Variants in MMP26 observed in about 807,000 individuals in gnomAD.
MMP26 encodes matrix metallopeptidase 26.
A neutral mutation model predicts 31.0 loss-of-function variants in MMP26; 33 were observed. That is an observed-to-expected ratio of 1.06 (90% CI 0.81 to 1.42). The LOEUF (loss-of-function observed/expected upper bound fraction) is 1.42. Among genes scored for constraint, MMP26 ranks in the 40% most tolerant of loss-of-function variants. The pLI is 0.00. For missense variants in MMP26, 347 were observed against 316.1 expected, an observed-to-expected ratio of 1.10 and a Z score of -0.74; for synonymous variants, 122 against 114.9, an observed-to-expected ratio of 1.06 and a Z score of -0.40.
chr11:4,781,141 G>T (rs919250643), intron 2 of MMP26, among the ~76,000 whole-genome samples: 3 of 152,100 alleles, frequency 2.0e-5, no homozygotes, highest in African/African-American at 7.2e-5. Flanking sequence ...TTTTATACAG[G>T]CATAAGAGAA....
At chr11:4,771,237 A>G (rs1296317048) in intron 2 of MMP26, among the ~76,000 whole-genome samples, 3 of 152,350 alleles carry the variant, frequency 2.0e-5, no homozygotes, top group South Asian at 4.1e-4. Flanking sequence ...TTATTGATCT[A>G]TAAAAGTCCT....
chr11:4,962,778 C>A (rs1846538391), intron 2 of MMP26, among the ~76,000 whole-genome samples: 2 of 152,288 alleles, frequency 1.3e-5, no homozygotes, highest in South Asian at 2.1e-4. Flanking sequence ...TACTGGCATG[C>A]ATTTTAATCA....
At chr11:4,766,996 G>A (rs970482821) in intron 1 of MMP26, among the ~76,000 whole-genome samples, 2 of 152,078 alleles carry the variant, frequency 1.3e-5, no homozygotes, top group African/African-American at 4.8e-5. Context: ...ACATATAAAA[G>A]TCAGAAAGTG....
In MMP26 at chr11:4,970,818, G is replaced by A. The variant is rs995653100; in HGVS notation, c.-144-17250G>A. Among the ~76,000 whole-genome samples, 3 of 152,252 alleles carry A rather than the reference G, an allele frequency of 2.0e-5. No homozygotes were observed. In the East Asian group the frequency reaches 5.8e-4, roughly 29 times the overall value. ...CAGGCATTGTGCACCGGTGCCAGTG[G>A]TGGTGATATCAGCAAAGGCCCTAGA... On this transcript the variant is annotated intron_variant, in intron 2 of 7. Coordinates refer to ENST00000380390, the MANE Select transcript of MMP26 (RefSeq NM_021801.5).
chr11:4,992,378 A>G lies in MMP26; in HGVS notation c.*136A>G, dbSNP rs1847021878. ...AATGCAACCTAGTCAGGTTAGCTGA[A>G]CCGACACTCAAAACGCTACTGAGTC... On this transcript the variant is annotated 3_prime_UTR_variant, in exon 8 of 8. Coordinates refer to ENST00000380390, the MANE Select transcript of MMP26 (RefSeq NM_021801.5). The G allele has an allele frequency of 1.2e-5, 9 of 755,476 alleles. No homozygotes were observed. The highest frequency in any genetic ancestry group is 1.8e-5 in the African/African-American group (1 of 56,186). The allele number at this position is 755,476 out of a possible 1,614,324, so 46.8% of individuals were successfully genotyped here. A position where few individuals can be genotyped will look rare whatever the true frequency, so the allele number is the denominator to read the frequency against.
chr11:4,876,229 C>T (rs1850377134), intron 2 of MMP26: 1 of 152,126 alleles, frequency 6.6e-6, no homozygotes, highest in South Asian at 2.1e-4. Context: ...AAATTCTTCC[C>T]TAGTATTGCA....
At position 4,967,738 on chromosome 11, in the gene MMP26, G is replaced by A. The variant is rs551221649; in HGVS notation, c.-144-20330G>A. 2.6e-5 allele frequency among the ~76,000 whole-genome samples: 4 copies of A among 152,112 alleles called. No homozygotes were observed. In the South Asian group the frequency reaches 6.2e-4, roughly 24 times the overall value. On this transcript the variant is annotated intron_variant, in intron 2 of 7. Transcript: ENST00000380390. ...TGATAATAAAATCAGTTTTTTCAATGGTGTCCTGTTACAGATTCTTTTTGA... is the reference window on the plus strand; with the variant it reads ...TGATAATAAAATCAGTTTTTTCAATAGTGTCCTGTTACAGATTCTTTTTGA...
intron 2 of MMP26, among the ~76,000 whole-genome samples, chr11:4,916,713 G>C (rs9633907): frequency 0.057 from 8,653 of 152,224 alleles, 387 homozygotes; most frequent in East Asian, 0.24. Flanking sequence ...GTATGTGAAT[G>C]ATGACCTGTG....
chr11:4,753,404 C>T (rs922028529), intron 1 of MMP26, among the ~76,000 whole-genome samples: 6 of 152,016 alleles, frequency 3.9e-5, no homozygotes, highest in African/African-American at 1.2e-4. Context: ...TATTTAAATA[C>T]ATTTATTTGA....
chr11:4,852,266 A>G (rs939291003), intron 2 of MMP26, among the ~76,000 whole-genome samples: 2 of 152,160 alleles, frequency 1.3e-5, no homozygotes, highest in African/African-American at 2.4e-5. Flanking sequence ...GAAGATTTTA[A>G]TATCCCAAAC....
intron 2 of MMP26, chr11:4,924,367 T>A: frequency 6.4e-7 from 1 of 1,553,710 alleles, no homozygotes; most frequent in African/African-American, 1.4e-5. Context: ...CTCAGAAACC[T>A]GGAATATAGA....
intron 2 of MMP26, among the ~76,000 whole-genome samples, chr11:4,902,423 A>T (rs113650360): frequency 4.6e-5 from 7 of 152,280 alleles, no homozygotes; most frequent in South Asian, 2.1e-4. Context: ...TTCCAGATGC[A>T]TCCATGTTGC....
At chr11:4,972,370 C>T (rs1209700208) in intron 2 of MMP26, among the ~76,000 whole-genome samples, 2 of 152,132 alleles carry the variant, frequency 1.3e-5, no homozygotes, top group African/African-American at 2.4e-5. Flanking sequence ...TAGAAAATGA[C>T]ATTTCATGTT....
chr11:4,775,865 G>C (rs1331774362), intron 2 of MMP26, among the ~76,000 whole-genome samples: 1 of 152,088 alleles, frequency 6.6e-6, no homozygotes, highest in African/African-American at 2.4e-5. Context: ...GTATAGTGGT[G>C]AAGTCTGGGT....
intron 2 of MMP26, among the ~76,000 whole-genome samples, chr11:4,829,341 C>CCT (rs959002276): frequency 6.6e-6 from 1 of 152,142 alleles, no homozygotes; most frequent in African/African-American, 2.4e-5. Context: ...CATCACATCA[C>CCT]CTCTTGTATT....
chr11:4,933,871 A>G (rs840718), intron 2 of MMP26, among the ~76,000 whole-genome samples: 78,550 of 148,198 alleles, frequency 0.53, 21,894 homozygotes, highest in East Asian at 0.76. Context: ...ATGATTTCCA[A>G]TTTCATCCAT....
At chr11:4,713,355 C>G (rs968911511) in intron 1 of MMP26, among the ~76,000 whole-genome samples, 4 of 152,120 alleles carry the variant, frequency 2.6e-5, no homozygotes, top group Non-Finnish European at 4.4e-5. Context: ...ATCTCTCCCC[C>G]ACACTGGCAC....
chr11:4,892,748 A>G (rs1850644620), intron 2 of MMP26, among the ~76,000 whole-genome samples: 1 of 152,188 alleles, frequency 6.6e-6, no homozygotes, highest in Admixed American at 6.6e-5. Context: ...TGAGGATATA[A>G]GAGTCTTGCT....
At chr11:4,988,913 A>G (rs1846947925) in intron 3 of MMP26, among the ~76,000 whole-genome samples, 3 of 152,224 alleles carry the variant, frequency 2.0e-5, no homozygotes, top group Admixed American at 2.0e-4. Flanking sequence ...CTCAGCTGAT[A>G]ATAAAACAAA....
Sources: allele counts gnomAD v4.1 joint callset (sites outside exome capture counted in the v4.1 genomes callset), GRCh38; gene constraint gnomAD v4.1.1; transcripts MANE v1.5; gene names NCBI Gene and HGNC (gene_info 2026-07-23, HGNC 2026-07-21).